The following DARS1 variants were observed in gnomAD, a reference collection of about 807,000 sequenced individuals.
DARS1 encodes the protein aspartate--tRNA ligase, cytoplasmic.
DARS1 carries 51 observed loss-of-function variants against 68.8 expected under a neutral mutation model. The ratio of observed to expected loss-of-function variants is 0.74; its 90% CI spans 0.59 to 0.94. DARS1 has a LOEUF of 0.94. Among genes scored for constraint, DARS1 ranks in the 40% least tolerant of loss-of-function variants. The pLI, the probability that DARS1 is intolerant of heterozygous loss-of-function variation, is 0.00. For missense variants in DARS1, 607 were observed against 597.3 expected (o/e 1.02, Z -0.17); for synonymous variants, 203 against 190.4 (o/e 1.07, Z -0.55).
At chr2:135,944,092 C>T (rs1303991039) in intron 4 of DARS1, among the ~76,000 whole-genome samples, 1 of 151,982 alleles carries the variant, frequency 6.6e-6, no homozygotes, top group Non-Finnish European at 1.5e-5. Context: ...AATGCATCTC[C>T]TGGACAGCTT....
intron 3 of DARS1, among the ~76,000 whole-genome samples, chr2:135,972,387 C>A (rs1682391709): frequency 1.3e-5 from 2 of 152,166 alleles, no homozygotes; most frequent in African/African-American, 4.8e-5. Flanking sequence ...ATGCAAAAGA[C>A]TAAAACTTGA....
intron 4 of DARS1, among the ~76,000 whole-genome samples, chr2:135,957,417 C>G (rs775704636): frequency 6.6e-6 from 1 of 151,936 alleles, no homozygotes; most frequent in Non-Finnish European, 1.5e-5. Context: ...TTAGTAGAGA[C>G]GGGTGTTAGC....
At chr2:135,928,092 T>C (rs1203353765) in intron 7 of DARS1, among the ~76,000 whole-genome samples, 1 of 152,224 alleles carries the variant, frequency 6.6e-6, no homozygotes, top group Non-Finnish European at 1.5e-5. Flanking sequence ...CAATCTTTAA[T>C]AGTACTTAGC....
intron 15 of DARS1, among the ~76,000 whole-genome samples, chr2:135,908,322 C>A (rs1680829198): frequency 6.6e-6 from 1 of 152,140 alleles, no homozygotes; most frequent in African/African-American, 2.4e-5. Context: ...CCATCTGAAC[C>A]ATTTTTAAGT....
chr2:135,937,512 A>G (rs1454272492), intron 5 of DARS1, among the ~76,000 whole-genome samples: 1 of 152,196 alleles, frequency 6.6e-6, no homozygotes, highest in Non-Finnish European at 1.5e-5. Flanking sequence ...TAATTATTAT[A>G]AGACTAAGAA....
intron 4 of DARS1, among the ~76,000 whole-genome samples, chr2:135,952,947 C>T (rs1445285578): frequency 2.0e-5 from 3 of 152,056 alleles, no homozygotes; most frequent in African/African-American, 4.8e-5. Flanking sequence ...TCTCATGAGC[C>T]GCCATACCGT....
At chr2:135,913,301 T>C (rs1056934895) in intron 12 of DARS1, among the ~76,000 whole-genome samples, 2 of 152,152 alleles carry the variant, frequency 1.3e-5, no homozygotes, top group African/African-American at 2.4e-5. Flanking sequence ...ATGGATTATC[T>C]TCCCAAGAAT....
At chr2:135,938,263 C>T (rs1241624675) in intron 5 of DARS1, among the ~76,000 whole-genome samples, 2 of 152,208 alleles carry the variant, frequency 1.3e-5, no homozygotes, top group Non-Finnish European at 2.9e-5. Context: ...GATACTCTTT[C>T]TTCCACTTGA....
At chr2:135,933,254 T>G (rs1681392676) in intron 6 of DARS1, among the ~76,000 whole-genome samples, 1 of 152,242 alleles carries the variant, frequency 6.6e-6, no homozygotes, top group Admixed American at 6.5e-5. Flanking sequence ...CCTGAGACTT[T>G]CCAGAAGTTG....
intron 5 of DARS1, among the ~76,000 whole-genome samples, chr2:135,935,426 C>G (rs1249865062): frequency 7.1e-6 from 1 of 140,638 alleles, no homozygotes; most frequent in Non-Finnish European, 1.5e-5. Flanking sequence ...GAAACCCCAT[C>G]TCTACTAAAA....
At chr2:135,970,897 T>C (rs574125223) in intron 3 of DARS1, among the ~76,000 whole-genome samples, 5 of 152,152 alleles carry the variant, frequency 3.3e-5, no homozygotes, top group Non-Finnish European at 7.4e-5. Flanking sequence ...GATTGAACCA[T>C]GAAGAAATCC....
In DARS1 at chr2:135,907,261, T is replaced by TTTTTTTTTTTTTTTTTTTGG; in HGVS notation, c.*54_*55insCCAAAAAAAAAAAAAAAAAA. The TTTTTTTTTTTTTTTTTTTGG allele has an allele frequency of 1.1e-6, 1 of 889,236 alleles. No homozygotes were observed. 55.1% of individuals were successfully genotyped at this position (889,236 alleles called of 1,614,324 possible). On this transcript the variant is annotated 3_prime_UTR_variant, in exon 16 of 16. Transcript: ENST00000264161. ...GGCTTTCTTTTTTTTTTTTTTTTTT[T>TTTTTTTTTTTTTTTTTTTGG]GAGGCAGGGTCTCGCTCTGTCATCC...
At chr2:135,985,678 G>A, upstream of DARS1, 2 of 1,292,100 alleles carry the variant, frequency 1.5e-6, no homozygotes, top group South Asian at 1.5e-5. Context: ...GCCGCGCGCA[G>A]GGTCTCCTCC....
chr2:135,954,048 C>T (rs551143719), intron 4 of DARS1, among the ~76,000 whole-genome samples: 34 of 151,570 alleles, frequency 2.2e-4, no homozygotes, highest in Non-Finnish European at 4.3e-4. Flanking sequence ...TGAGTCACCA[C>T]GCCTGGCCCA....
At chr2:135,985,225 C>T in intron 1 of DARS1, 178 bp downstream of exon 1, 2 of 1,007,264 alleles carry the variant, frequency 2.0e-6, no homozygotes, top group African/African-American at 1.6e-5. Context: ...AAACGCGGTC[C>T]GGAGAGGGTC....
chr2:135,964,092 G>A (rs1285827880), intron 3 of DARS1, among the ~76,000 whole-genome samples: 1 of 152,138 alleles, frequency 6.6e-6, no homozygotes, highest in Non-Finnish European at 1.5e-5. Context: ...AGGGCGCTGG[G>A]AACACGAACG....
At chr2:135,977,142 A>C (rs966655711) in intron 3 of DARS1, among the ~76,000 whole-genome samples, 2 of 152,168 alleles carry the variant, frequency 1.3e-5, no homozygotes, top group Non-Finnish European at 2.9e-5. Context: ...CATTAACATG[A>C]CTCAATTATC....
chr2:135,907,195 T>C lies in DARS1; in HGVS notation c.*121A>G. The stretch of plus-strand genomic sequence containing the variant: ...TAGTGCATATTTTAAGTACCTAAAG[T>C]ACAGCCTGTGCACTAGCAGGTTACT... On this transcript the variant is annotated 3_prime_UTR_variant, in exon 16 of 16. Coordinates refer to ENST00000264161, the MANE Select transcript of DARS1 (RefSeq NM_001349.4). The C allele has an allele frequency of 1.7e-6, 1 of 583,460 alleles. No individual in the cohort carries two copies. The allele number at this position is 583,460 out of a possible 1,614,324, so 36.1% of individuals were successfully genotyped here.
chr2:135,954,893 AGT>A (rs1394306272), intron 4 of DARS1, among the ~76,000 whole-genome samples: 1 of 152,106 alleles, frequency 6.6e-6, no homozygotes, highest in Non-Finnish European at 1.5e-5. Context: ...TTACACTAAT[AGT>A]GTTACCTTTT....
Sources: allele counts gnomAD v4.1 joint callset (sites outside exome capture counted in the v4.1 genomes callset), GRCh38; gene constraint gnomAD v4.1.1; transcripts MANE v1.5; gene names NCBI Gene and HGNC (gene_info 2026-07-23, HGNC 2026-07-21).